MGST1: variants seen among roughly 807,000 people sequenced by gnomAD.
MGST1 encodes microsomal glutathione S-transferase 1, also known as glutathione S-transferase 12.
In MGST1, 5 loss-of-function variants were observed where a neutral mutation model predicts 8.9. That is an observed-to-expected ratio of 0.56 (90% CI 0.29 to 1.19). The LOEUF is 1.19. MGST1 is among the 50% of genes most tolerant of loss of function. The pLI, the probability that MGST1 is intolerant of heterozygous loss-of-function variation, is 0.08. For synonymous variants in MGST1, 54 were observed against 67.8 expected, an observed-to-expected ratio of 0.80 and a Z score of 1.00; for missense variants, 182 against 187.4, an observed-to-expected ratio of 0.97 and a Z score of 0.17.
intron 4 of MGST1, among the ~76,000 whole-genome samples, chr12:16,523,229 A>G (rs550193647): frequency 6.6e-6 from 1 of 152,188 alleles, no homozygotes; most frequent in South Asian, 2.1e-4. Flanking sequence ...TATTCCTGCT[A>G]TCACGAAAAG....
intron 1 of MGST1, among the ~76,000 whole-genome samples, chr12:16,394,534 CTT>C (rs1940586284): frequency 1.7e-5 from 1 of 57,720 alleles, no homozygotes; most frequent in African/African-American, 6.5e-5. Flanking sequence ...TTCTTTCTTT[CTT>C]TCTTTCTTTC....
rs1425949238 is a variant in MGST1, at chr12:16,413,167, A to AACCACT, written n.779-24219_779-24214dup. ...GAGACCAGCAAATTAGCATCAAGAG[A>AACCACT]ACCACTATCACTGACTTTCTCGAGC... On this transcript the variant is annotated intron_variant and non_coding_transcript_variant, in intron 1 of 1. Coordinates refer to the MGST1 transcript ENST00000359720. This position sits in a 1 kb window ranked among gnomAD's most constrained non-coding sequence, Gnocchi z 4.0. Among the ~76,000 whole-genome samples the AACCACT allele has an allele frequency of 1.3e-5, 2 of 152,160 alleles. No individual in the cohort carries two copies. Among genetic ancestry groups the AACCACT allele is most frequent in the African/African-American group, 4.8e-5 (2 of 41,428 alleles).
At chr12:16,551,893 C>T (rs561892977) in intron 4 of MGST1, among the ~76,000 whole-genome samples, 1 of 151,892 alleles carries the variant, frequency 6.6e-6, no homozygotes, top group African/African-American at 2.4e-5. Flanking sequence ...GTTGCTCTAG[C>T]ATCAGATTCT....
intron 4 of MGST1, among the ~76,000 whole-genome samples, chr12:16,535,038 C>T (rs1941746777): frequency 6.6e-6 from 1 of 152,184 alleles, no homozygotes; most frequent in African/African-American, 2.4e-5. Flanking sequence ...GAGTGCAGTG[C>T]CTGCCTCTGG....
chr12:16,540,359 A>G (rs1167737168), intron 4 of MGST1, among the ~76,000 whole-genome samples: 1 of 152,040 alleles, frequency 6.6e-6, no homozygotes, highest in African/African-American at 2.4e-5. Flanking sequence ...TGAAGCCTTT[A>G]CCTCCTGGGC....
At chr12:16,514,273 G>A (rs1941596464) in intron 4 of MGST1, 1 of 285,644 alleles carries the variant, frequency 3.5e-6, no homozygotes, top group Non-Finnish European at 6.9e-6. Flanking sequence ...CAAAGACGCA[G>A]ATGAAGCCAA....
chr12:16,523,905 T>G (rs1941665084), intron 4 of MGST1, among the ~76,000 whole-genome samples: 1 of 152,122 alleles, frequency 6.6e-6, no homozygotes, highest in Non-Finnish European at 1.5e-5. Flanking sequence ...AAAAACAGTT[T>G]TTAGTTTGAT....
intron 4 of MGST1, among the ~76,000 whole-genome samples, chr12:16,462,700 A>G (rs1246024376): frequency 6.6e-6 from 1 of 152,154 alleles, no homozygotes; most frequent in African/African-American, 2.4e-5. Flanking sequence ...TCTTGATTTG[A>G]TCTTCATTTA....
downstream of MGST1, among the ~76,000 whole-genome samples, chr12:16,381,228 C>G (rs1024192594): frequency 6.6e-6 from 1 of 152,042 alleles, no homozygotes; most frequent in African/African-American, 2.4e-5. Flanking sequence ...CAGTTTCTTC[C>G]TAGCATTGAC....
chr12:16,496,849 A>G (rs1259585107), intron 4 of MGST1, among the ~76,000 whole-genome samples: 2 of 152,170 alleles, frequency 1.3e-5, no homozygotes, highest in Admixed American at 6.6e-5. Flanking sequence ...GAATGCTGAT[A>G]ACAGGAAAAA....
chr12:16,469,479 A>G (rs1215307081), intron 4 of MGST1, among the ~76,000 whole-genome samples: 6 of 152,146 alleles, frequency 3.9e-5, no homozygotes. Context: ...ATGAGCCACC[A>G]TGCCCGGCCA....
At chr12:16,491,187 T>C (rs1941435756) in intron 4 of MGST1, among the ~76,000 whole-genome samples, 1 of 152,224 alleles carries the variant, frequency 6.6e-6, no homozygotes, top group Non-Finnish European at 1.5e-5. Context: ...ATCTGTTGTA[T>C]GGTCATCCTT....
chr12:16,581,067 ATAGT>A (rs1277933630), intron 4 of MGST1, among the ~76,000 whole-genome samples: 3 of 152,246 alleles, frequency 2.0e-5, no homozygotes, highest in East Asian at 1.9e-4. Context: ...AACATTGTAA[ATAGT>A]TAGGTACAAG....
At chr12:16,436,504 A>G (rs755844782) in intron 1 of MGST1, among the ~76,000 whole-genome samples, 17 of 151,934 alleles carry the variant, frequency 1.1e-4, no homozygotes, top group Non-Finnish European at 2.5e-4. Context: ...AGTGCTTGGC[A>G]CTCAATAGAA....
intron 4 of MGST1, among the ~76,000 whole-genome samples, chr12:16,510,860 AT>A (rs1427579742): frequency 2.0e-5 from 3 of 152,196 alleles, no homozygotes; most frequent in African/African-American, 7.2e-5. Flanking sequence ...GGCAAAATCA[AT>A]TTTTATGAAT....
chr12:16,436,188 A>G (rs1404219909), intron 1 of MGST1, among the ~76,000 whole-genome samples: 1 of 151,992 alleles, frequency 6.6e-6, no homozygotes, highest in Non-Finnish European at 1.5e-5. Context: ...TTTGCACTGA[A>G]GAAATGATGA....
rs567300702 is a variant in MGST1, at chr12:16,399,983, G to A, written n.778+16379G>A. 8.5e-6 allele frequency: 12 copies of A among 1,416,040 alleles called. No individual in the cohort carries two copies. The Admixed American group carries it at 1.7e-4, about 20-fold the overall frequency. 87.7% of individuals were successfully genotyped at this position (1,416,040 alleles called of 1,614,324 possible). On this transcript the variant is annotated intron_variant and non_coding_transcript_variant, in intron 1 of 1. Coordinates refer to the MGST1 transcript ENST00000359720. ...AGCGCACTACTAGTGGGCTGAAGGA[G>A]GCAGGTACTCCTGTAGGGAGCTCTG...
At chr12:16,550,645 G>A (rs1185728619) in intron 4 of MGST1, 1 of 152,370 alleles carries the variant, frequency 6.6e-6, no homozygotes, top group Non-Finnish European at 1.5e-5. Context: ...GCAATAAGTA[G>A]TGGATGTCAC....
chr12:16,510,282 A>G (rs1432188506), intron 4 of MGST1, among the ~76,000 whole-genome samples: 1 of 152,176 alleles, frequency 6.6e-6, no homozygotes, highest in Non-Finnish European at 1.5e-5. Flanking sequence ...GAAAGGAAGA[A>G]GGGAAAGAGA....
Sources: gnomAD v4.1 joint callset for allele counts (sites outside exome capture counted in the v4.1 genomes callset) on GRCh38, gnomAD v4.1.1 for gene constraint, Gnocchi (gnomAD v3.1) non-coding constraint, MANE v1.5 for transcripts, NCBI Gene and HGNC (gene_info 2026-07-23, HGNC 2026-07-21) for gene names.